Variants in PTPRM observed in about 807,000 individuals in gnomAD.
PTPRM encodes the protein protein tyrosine phosphatase receptor type M.
A neutral mutation model predicts 186.7 loss-of-function variants in PTPRM; 47 were observed. The observed-to-expected ratio is 0.25, with a 90% confidence interval of 0.20 to 0.32. The LOEUF is 0.32. Among genes scored for constraint, PTPRM ranks in the 10% least tolerant of loss-of-function variants. The pLI, the probability that PTPRM is intolerant of heterozygous loss-of-function variation, is 1.00. For synonymous variants in PTPRM, 668 were observed against 674.9 expected, an observed-to-expected ratio of 0.99 and a Z score of 0.16; for missense variants, 1,494 against 1,865.0, an observed-to-expected ratio of 0.80 and a Z score of 3.66.
At chr18:8,363,758 T>C (rs1248621267) in intron 23 of PTPRM, among the ~76,000 whole-genome samples, 2 of 152,246 alleles carry the variant, frequency 1.3e-5, no homozygotes, top group East Asian at 1.9e-4. Flanking sequence ...TGCTTTCTGA[T>C]TAAGTTTTCA....
chr18:8,240,771 A>AGAGAGG (rs1601422451), intron 14 of PTPRM, among the ~76,000 whole-genome samples: 2 of 61,058 alleles, frequency 3.3e-5, no homozygotes, highest in East Asian at 3.6e-4. Flanking sequence ...GGAGGGAGAG[A>AGAGAGG]GAGAGGGAGA....
intron 22 of PTPRM, among the ~76,000 whole-genome samples, chr18:8,324,473 A>C (rs1034187326): frequency 6.6e-6 from 1 of 152,246 alleles, no homozygotes; most frequent in African/African-American, 2.4e-5. Context: ...CAGGTCCCAT[A>C]GCTGATGTTT....
intron 1 of PTPRM, among the ~76,000 whole-genome samples, chr18:7,690,219 C>G (rs535422437): frequency 2.0e-5 from 3 of 152,328 alleles, no homozygotes; most frequent in South Asian, 4.1e-4. Context: ...CACATAGATT[C>G]ACAATGGCCC....
chr18:7,901,617 G>A (rs1368669922), intron 3 of PTPRM, among the ~76,000 whole-genome samples: 2 of 152,032 alleles, frequency 1.3e-5, no homozygotes, highest in Non-Finnish European at 1.5e-5. Context: ...ACTCACCTTG[G>A]CCTCCCAAAG....
chr18:8,295,584 C>A (rs985316370), intron 19 of PTPRM, among the ~76,000 whole-genome samples: 1 of 152,094 alleles, frequency 6.6e-6, no homozygotes, highest in Admixed American at 6.5e-5. Flanking sequence ...ATGTGAGTAC[C>A]GTGGCAAAAA....
chr18:7,569,241 T>A (rs2036513311), intron 1 of PTPRM, among the ~76,000 whole-genome samples: 1 of 152,168 alleles, frequency 6.6e-6, no homozygotes, highest in African/African-American at 2.4e-5. Flanking sequence ...GCACATTAGT[T>A]GTGTCTTGTG....
intron 1 of PTPRM, among the ~76,000 whole-genome samples, chr18:7,598,785 T>C (rs1188126857): frequency 1.0e-5 from 1 of 99,522 alleles, no homozygotes; most frequent in African/African-American, 8.8e-5. Context: ...TGAATTCCTT[T>C]TTTTTTTTTT....
chr18:7,954,340 T>G (rs1263717001), intron 6 of PTPRM, among the ~76,000 whole-genome samples: 1 of 152,202 alleles, frequency 6.6e-6, no homozygotes, highest in Non-Finnish European at 1.5e-5. Context: ...ACTGCTTTAG[T>G]AAGACTTACT....
chr18:7,607,401 G>A (rs2037558213), intron 1 of PTPRM, among the ~76,000 whole-genome samples: 1 of 57,096 alleles, frequency 1.8e-5, no homozygotes, highest in Non-Finnish European at 3.2e-5. Flanking sequence ...TGTCTCTTCT[G>A]CACATCTCTC....
At chr18:8,191,297 A>G (rs1339964704) in intron 14 of PTPRM, among the ~76,000 whole-genome samples, 1 of 152,026 alleles carries the variant, frequency 6.6e-6, no homozygotes, top group Non-Finnish European at 1.5e-5. Flanking sequence ...GATTGGCGGA[A>G]CACAGACACG....
chr18:8,052,680 G>A (rs1417817138), intron 7 of PTPRM, among the ~76,000 whole-genome samples: 2 of 152,126 alleles, frequency 1.3e-5, no homozygotes, highest in Non-Finnish European at 2.9e-5. Context: ...CTAAGTGAAG[G>A]AATACTATTC....
chr18:7,648,544 C>T (rs1356116157), intron 1 of PTPRM, among the ~76,000 whole-genome samples: 1 of 152,146 alleles, frequency 6.6e-6, no homozygotes, highest in Non-Finnish European at 1.5e-5. Context: ...ATTGAAAGTG[C>T]CACTACAGTG....
chr18:8,238,581 A>C (rs2094374216), intron 14 of PTPRM, among the ~76,000 whole-genome samples: 1 of 147,484 alleles, frequency 6.8e-6, no homozygotes, highest in Non-Finnish European at 1.5e-5. Flanking sequence ...CCACTCTGTT[A>C]ATTCCAACGC....
At chr18:7,941,732 C>T (rs1236818056) in intron 5 of PTPRM, among the ~76,000 whole-genome samples, 1 of 152,164 alleles carries the variant, frequency 6.6e-6, no homozygotes, top group Non-Finnish European at 1.5e-5. Flanking sequence ...CGACTCTGGT[C>T]GCTTGCATGT....
At chr18:8,233,726 C>A (rs1601379750) in intron 14 of PTPRM, among the ~76,000 whole-genome samples, 1 of 152,184 alleles carries the variant, frequency 6.6e-6, no homozygotes, top group South Asian at 2.1e-4. Context: ...TTGCCATATC[C>A]AAGGTCATCT....
At chr18:8,314,925 T>A in intron 21 of PTPRM, 68 bp downstream of exon 21, 2 of 1,007,922 alleles carry the variant, frequency 2.0e-6, no homozygotes, top group Non-Finnish European at 3.0e-6. Context: ...GTATGATATT[T>A]TGATACATGT....
chr18:8,339,240 GC>G (rs889714900), intron 22 of PTPRM, among the ~76,000 whole-genome samples: 4 of 151,590 alleles, frequency 2.6e-5, no homozygotes, highest in Non-Finnish European at 5.9e-5. Flanking sequence ...GGCAGGAATG[GC>G]CCCCTGCACC....
intron 20 of PTPRM, among the ~76,000 whole-genome samples, chr18:8,314,047 A>G (rs2095289611): frequency 6.6e-6 from 1 of 152,222 alleles, no homozygotes; most frequent in African/African-American, 2.4e-5. Flanking sequence ...ATTGAGATAC[A>G]TCAATAGTAT....
chr18:8,396,231 G>T (rs2095844710), intron 32 of PTPRM, among the ~76,000 whole-genome samples: 1 of 152,220 alleles, frequency 6.6e-6, no homozygotes, highest in African/African-American at 2.4e-5. Context: ...CCTGAGTTTG[G>T]GCTAGCAGAG....
Sources: gnomAD v4.1 joint callset for allele counts (sites outside exome capture counted in the v4.1 genomes callset) on GRCh38, gnomAD v4.1.1 for gene constraint, MANE v1.5 for transcripts, NCBI Gene and HGNC (gene_info 2026-07-23, HGNC 2026-07-21) for gene names.